STAG1: variants seen among roughly 807,000 people sequenced by gnomAD.
The protein encoded by STAG1 is cohesin subunit SA-1.
Under a neutral mutation model 170.9 loss-of-function variants are expected in STAG1, and 26 were observed. That is an observed-to-expected ratio of 0.15 (90% CI 0.11 to 0.21). STAG1 has a LOEUF of 0.21. Among genes scored for constraint, STAG1 ranks in the 10% least tolerant of loss-of-function variants. The pLI, the probability that STAG1 is intolerant of heterozygous loss-of-function variation, is 1.00. For synonymous variants in STAG1, 514 were observed against 497.7 expected, an observed-to-expected ratio of 1.03 and a Z score of -0.44; for missense variants, 964 against 1,509.5, an observed-to-expected ratio of 0.64 and a Z score of 5.99.
chr3:136,413,116 G>C (rs1050557414), intron 21 of STAG1, among the ~76,000 whole-genome samples: 2 of 150,372 alleles, frequency 1.3e-5, no homozygotes, highest in Admixed American at 6.6e-5. Flanking sequence ...TACCCACCTC[G>C]GTCTACCAAA....
chr3:136,681,268 T>C (rs774621816), intron 1 of STAG1, among the ~76,000 whole-genome samples: 1 of 152,210 alleles, frequency 6.6e-6, no homozygotes, highest in Non-Finnish European at 1.5e-5. Context: ...ATCTGTGAAT[T>C]ACATTTCAGA....
At chr3:136,456,004 C>T (rs1344422177) in intron 13 of STAG1, among the ~76,000 whole-genome samples, 3 of 152,116 alleles carry the variant, frequency 2.0e-5, no homozygotes, top group Non-Finnish European at 4.4e-5. Flanking sequence ...AACAAGAGGC[C>T]AGGGTTCAAG....
At chr3:136,345,114 C>A (rs1407741377) in intron 29 of STAG1, among the ~76,000 whole-genome samples, 1 of 151,972 alleles carries the variant, frequency 6.6e-6, no homozygotes, top group Non-Finnish European at 1.5e-5. Context: ...TTTTTTGAGA[C>A]AGCGTCTCAC....
chr3:136,733,327 C>G (rs146544918), intron 1 of STAG1, among the ~76,000 whole-genome samples: 1 of 152,088 alleles, frequency 6.6e-6, no homozygotes, highest in Non-Finnish European at 1.5e-5. Context: ...CTCAAATGAT[C>G]CACCCACCTC....
chr3:136,462,345 G>C (rs968342548), intron 13 of STAG1, among the ~76,000 whole-genome samples: 6 of 152,072 alleles, frequency 3.9e-5, no homozygotes, highest in African/African-American at 1.4e-4. Flanking sequence ...ATACACAATG[G>C]AATACTATTT....
At chr3:136,510,053 T>C (rs991415043) in intron 7 of STAG1, among the ~76,000 whole-genome samples, 2 of 152,222 alleles carry the variant, frequency 1.3e-5, no homozygotes, top group African/African-American at 4.8e-5. Context: ...AAAAACAATT[T>C]TTCTGGAAAG....
At chr3:136,588,550 G>C (rs976682063) in intron 4 of STAG1, among the ~76,000 whole-genome samples, 1 of 152,122 alleles carries the variant, frequency 6.6e-6, no homozygotes, top group African/African-American at 2.4e-5. Context: ...ATGTTAGCTA[G>C]GTTGGTCTTG....
chr3:136,508,920 G>A (rs1933911743), intron 7 of STAG1, among the ~76,000 whole-genome samples: 1 of 152,266 alleles, frequency 6.6e-6, no homozygotes, highest in Non-Finnish European at 1.5e-5. Context: ...CAGAGACAGA[G>A]AAAGATGCAA....
chr3:136,409,492 A>G (rs1365151721), intron 21 of STAG1, among the ~76,000 whole-genome samples: 1 of 151,920 alleles, frequency 6.6e-6, no homozygotes, highest in Non-Finnish European at 1.5e-5. Context: ...GCACGCCACT[A>G]TGCTCAGCTA....
At chr3:136,417,631 T>G in intron 21 of STAG1, 2 of 361,494 alleles carry the variant, frequency 5.5e-6, no homozygotes, top group Non-Finnish European at 1.0e-5. Context: ...GTATTTCTCC[T>G]AATAGAGAAA....
intron 22 of STAG1, among the ~76,000 whole-genome samples, chr3:136,397,314 G>A (rs941454311): frequency 1.3e-5 from 2 of 152,096 alleles, no homozygotes; most frequent in South Asian, 4.2e-4. Flanking sequence ...TTTGCTGTGA[G>A]CTCATTTTGC....
At chr3:136,453,652 G>A (rs560229228) in intron 13 of STAG1, among the ~76,000 whole-genome samples, 1 of 151,754 alleles carries the variant, frequency 6.6e-6, no homozygotes, top group Admixed American at 6.6e-5. Flanking sequence ...TAGGTAAAAG[G>A]GAATCTTAGG....
At chr3:136,350,444 T>C (rs1145101) in intron 28 of STAG1, among the ~76,000 whole-genome samples, 128,300 of 152,082 alleles carry the variant, frequency 0.84, 54,264 homozygotes, top group East Asian at 0.99. Flanking sequence ...TCCCACCAAG[T>C]CTCCACTCCT....
At chr3:136,479,060 CTT>C (rs66966875) in intron 9 of STAG1, among the ~76,000 whole-genome samples, 2,609 of 125,154 alleles carry the variant, frequency 0.021, 62 homozygotes, top group African/African-American at 0.083. Context: ...TATAATCTTT[CTT>C]TTTTTTTTTT....
At chr3:136,604,948 ATGATGT>A (rs1938864349) in intron 3 of STAG1, among the ~76,000 whole-genome samples, 1 of 152,224 alleles carries the variant, frequency 6.6e-6, no homozygotes, top group Admixed American at 6.6e-5. Context: ...CCACACCTAG[ATGATGT>A]TTTAAAAATT....
chr3:136,423,612 TC>T lies in STAG1; in HGVS notation c.1651-569del, dbSNP rs767389593. On this transcript the variant is annotated intron_variant, in intron 16 of 33. Coordinates refer to ENST00000383202, the MANE Select transcript of STAG1 (RefSeq NM_005862.3). Reference sequence around the variant, plus strand: ...CTAATGCTCATCACTTTAGCCTGTATCCAACATGTGAAACCACAGGTGATTC... The same window carrying T: ...CTAATGCTCATCACTTTAGCCTGTATCAACATGTGAAACCACAGGTGATTC... Among the ~76,000 whole-genome samples, 104 of 152,330 alleles carry T rather than the reference TC, an allele frequency of 6.8e-4. 1 individual carries two copies. Among genetic ancestry groups the T allele is most frequent in the Middle Eastern group, 3.4e-3 (1 of 294 alleles).
At chr3:136,377,215 G>A (rs569726046) in intron 23 of STAG1, among the ~76,000 whole-genome samples, 65 of 148,418 alleles carry the variant, frequency 4.4e-4, no homozygotes, top group Non-Finnish European at 3.3e-4. Flanking sequence ...GTGAAACCCC[G>A]TCTCTACTAA....
intron 4 of STAG1, among the ~76,000 whole-genome samples, chr3:136,581,410 T>C (rs181701612): frequency 2.4e-4 from 36 of 152,290 alleles, no homozygotes; most frequent in Non-Finnish European, 4.7e-4. Context: ...GCAATACATA[T>C]AAGTTATTTT....
At chr3:136,635,034 C>T (rs1940498431) in intron 1 of STAG1, among the ~76,000 whole-genome samples, 1 of 152,140 alleles carries the variant, frequency 6.6e-6, no homozygotes. Context: ...ACCAGATGGC[C>T]TTACTGCTTA....
Sources: allele counts gnomAD v4.1 joint callset (sites outside exome capture counted in the v4.1 genomes callset), GRCh38; gene constraint gnomAD v4.1.1; transcripts MANE v1.5; gene names NCBI Gene and HGNC (gene_info 2026-07-23, HGNC 2026-07-21).